ABHD2: variants seen among roughly 807,000 people sequenced by gnomAD.
ABHD2 encodes monoacylglycerol lipase ABHD2.
In ABHD2, 20 loss-of-function variants were observed where a neutral mutation model predicts 48.1. The observed-to-expected ratio is 0.42, with a 90% CI of 0.29 to 0.60. The LOEUF (loss-of-function observed/expected upper bound fraction) is 0.60. Among genes scored for constraint, ABHD2 ranks in the 20% least tolerant of loss-of-function variants. The probability of loss-of-function intolerance (pLI) is 0.24; values close to 1 mark genes in which losing one functional copy is unlikely to be tolerated. For missense variants in ABHD2, 405 were observed against 550.9 expected (o/e 0.74, Z 2.65); for synonymous variants, 209 against 214.2 (o/e 0.98, Z 0.21).
chr15:89,069,882 G>A, the ABHD2 span, among the ~76,000 whole-genome samples: 4 of 151,690 alleles, frequency 2.6e-5, no homozygotes. Flanking sequence ...GTTTCACCAT[G>A]TTGGCCAGGT....
rs1382197308 is a variant in ABHD2 at position 89,102,011 on chromosome 15, C to T, written c.-106-11714C>T. On this transcript the variant is annotated intron_variant, in intron 1 of 10. Transcript: ENST00000352732. The surrounding 1 kb of genome is among the most constrained non-coding windows in gnomAD (Gnocchi z 4.8). ...GCAGCACCTGTGTAGCGTCATTTTCCAGGCTGATGTCTGGAATTCCCCTTG... is the reference window on the plus strand; with the variant it reads ...GCAGCACCTGTGTAGCGTCATTTTCTAGGCTGATGTCTGGAATTCCCCTTG... Among the ~76,000 whole-genome samples the T allele has an allele frequency of 6.6e-6, 1 of 152,202 alleles. No individual in the cohort carries two copies. The highest frequency in any genetic ancestry group is 1.5e-5 in the Non-Finnish European group (1 of 68,036).
intron 6 of ABHD2, among the ~76,000 whole-genome samples, chr15:89,180,716 G>C (rs1224962350): frequency 6.6e-6 from 1 of 152,182 alleles, no homozygotes; most frequent in Non-Finnish European, 1.5e-5. Flanking sequence ...AGCCTGCCTA[G>C]GATCGTGCCC....
rs554143072 is a variant in ABHD2 at position 89,187,956 on chromosome 15, T to C, written c.816-237T>C. ...CTCCCCTGTGCTGAAGGTTTTTTAA[T>C]ATTCAACTAGGTTCAAACCCAATCT... On this transcript the variant is annotated intron_variant, in intron 7 of 10. Coordinates refer to ENST00000352732, the MANE Select transcript of ABHD2 (RefSeq NM_152924.5). Among the ~76,000 whole-genome samples, 4 of 152,344 alleles carry C rather than the reference T, an allele frequency of 2.6e-5. No homozygotes were observed. The East Asian group carries it at 5.8e-4, about 22-fold the overall frequency.
chr15:89,122,155 T>C (rs1474511339), intron 3 of ABHD2, among the ~76,000 whole-genome samples: 1 of 152,222 alleles, frequency 6.6e-6, no homozygotes, highest in Non-Finnish European at 1.5e-5. Flanking sequence ...TCTGAGATAC[T>C]ATTCTCTAAC....
Position 89,188,369 on chromosome 15 carries a change from G to C in ABHD2, c.926+66G>C. ...GTGCCAGGCAGGAGGCTGCAGGTCA[G>C]CTGTGCCCAGCACTAGTGTTTGCTC... On this transcript the variant is annotated intron_variant, in intron 8 of 10. Coordinates refer to ENST00000352732, the MANE Select transcript of ABHD2 (RefSeq NM_152924.5). This position sits in a 1 kb window ranked among gnomAD's most constrained non-coding sequence, Gnocchi z 4.1. The C allele has an allele frequency of 7.1e-7, 1 of 1,417,064 alleles. No homozygotes were observed. The allele number at this position is 1,417,064 out of a possible 1,614,324, so 87.8% of individuals were successfully genotyped here. A position where few individuals can be genotyped will look rare whatever the true frequency, so the allele number is the denominator to read the frequency against.
At chr15:89,068,725 C>G in the ABHD2 span, among the ~76,000 whole-genome samples, 5 of 138,082 alleles carry the variant, frequency 3.6e-5, no homozygotes, top group East Asian at 1.2e-3. Flanking sequence ...TTCCCAGGTT[C>G]AAGGCATGAG....
Position 89,175,167 on chromosome 15 carries a change from A to AT in ABHD2, c.539-642dup, listed in dbSNP as rs1319166308. On this transcript the variant is annotated intron_variant, in intron 5 of 10. Transcript: ENST00000352732. This position sits in a 1 kb window ranked among gnomAD's most constrained non-coding sequence, Gnocchi z 5.7. ...TCATACACATGGGTATAGCATCCCAATTTGTAGCCTAGGAAGCTAATCTCA... is the reference window on the plus strand; with the variant it reads ...TCATACACATGGGTATAGCATCCCAATTTTGTAGCCTAGGAAGCTAATCTCA... Among the ~76,000 whole-genome samples the AT allele has an allele frequency of 3.3e-5, 5 of 152,132 alleles. No homozygotes were observed. In the East Asian group the frequency reaches 9.6e-4, roughly 29 times the overall value.
intron 3 of ABHD2, among the ~76,000 whole-genome samples, chr15:89,124,918 G>A (rs527640853): frequency 5.9e-5 from 9 of 152,102 alleles, no homozygotes; most frequent in Non-Finnish European, 1.0e-4. Context: ...GTGAAACCCC[G>A]TCTCTACTAA....
chr15:89,100,309 A>G lies in ABHD2; in HGVS notation c.-107+11746A>G, dbSNP rs2150783558. On this transcript the variant is annotated intron_variant, in intron 1 of 10. Coordinates refer to ENST00000352732, the MANE Select transcript of ABHD2 (RefSeq NM_152924.5). This position sits in a 1 kb window ranked among gnomAD's most constrained non-coding sequence, Gnocchi z 4.4. Reference sequence around the variant, plus strand: ...ATTTTTTTTTTTTTTTTTAAGAGACAGGGTCTTACTCTGTCACCCAGGCTG... The same window carrying G: ...ATTTTTTTTTTTTTTTTTAAGAGACGGGGTCTTACTCTGTCACCCAGGCTG... Among the ~76,000 whole-genome samples, 1 of 149,972 alleles carries G rather than the reference A, an allele frequency of 6.7e-6. No individual in the cohort carries two copies. The highest frequency in any genetic ancestry group is 2.5e-5 in the African/African-American group (1 of 40,614).
rs1377409450 is a variant in ABHD2, at chr15:89,110,085, C to CT, written c.-106-3631dup. On this transcript the variant is annotated intron_variant, in intron 1 of 10. Coordinates refer to ENST00000352732, the MANE Select transcript of ABHD2 (RefSeq NM_152924.5). ...TTTATACTATCTTTTCTCTTATTTT[C>CT]TTTTTTTTTATTTTTTAAGACGGAC... Among the ~76,000 whole-genome samples the CT allele has an allele frequency of 2.4e-4, 37 of 151,194 alleles. No homozygotes were observed. The South Asian group carries it at 4.2e-3, about 17-fold the overall frequency.
intron 5 of ABHD2, among the ~76,000 whole-genome samples, chr15:89,161,994 G>C (rs2050769645): frequency 6.6e-6 from 1 of 152,154 alleles, no homozygotes; most frequent in Non-Finnish European, 1.5e-5. Flanking sequence ...ACAGTCACCT[G>C]TGTCTCTGGT....
intron 5 of ABHD2, among the ~76,000 whole-genome samples, chr15:89,160,715 C>T (rs924760182): frequency 6.6e-6 from 1 of 152,178 alleles, no homozygotes; most frequent in Non-Finnish European, 1.5e-5. Flanking sequence ...GAACCAGGCC[C>T]ATGGAGCAGC....
In ABHD2 at chr15:89,200,932, A is replaced by C. The variant is rs75928307; in HGVS notation, c.*5509A>C. ...CCCCTTCTCTACTAAAAATGCAAAA[A>C]TTAGCTGGGTGTGGTGGCGGGCGCC... On this transcript the variant is annotated 3_prime_UTR_variant, in exon 11 of 11. Transcript: ENST00000352732. 1.8e-5 allele frequency: 8 copies of C among 446,282 alleles called. No individual in the cohort carries two copies. The highest frequency in any genetic ancestry group is 4.0e-5 in the Admixed American group (1 of 25,296). 27.6% of individuals were successfully genotyped at this position (446,282 alleles called of 1,614,324 possible).
intron 3 of ABHD2, among the ~76,000 whole-genome samples, chr15:89,144,870 G>T (rs544378645): frequency 1.8e-4 from 28 of 152,310 alleles, no homozygotes; most frequent in African/African-American, 6.7e-4. Context: ...ACAAAGTGAT[G>T]AATTCAAAAT....
At position 89,088,722 on chromosome 15, in the gene ABHD2, AG is replaced by A. The variant is rs1004452313; in HGVS notation, c.-107+163del. On this transcript the variant is annotated intron_variant, in intron 1 of 10. Transcript: ENST00000352732. This position sits in a 1 kb window ranked among gnomAD's most constrained non-coding sequence, Gnocchi z 6.8. ...TGTCATCTGGCGCCGTGGGGGTCCC[AG>A]GGGCTGGCTTGCCCAGTGGTGGGGA... Among the ~76,000 whole-genome samples, 1 of 152,232 alleles carries A rather than the reference AG, an allele frequency of 6.6e-6. No homozygotes were observed. The highest frequency in any genetic ancestry group is 1.5e-5 in the Non-Finnish European group (1 of 68,036).
chr15:89,051,750 C>T, the ABHD2 span, among the ~76,000 whole-genome samples: 250 of 152,288 alleles, frequency 1.6e-3, 2 homozygotes, highest in Admixed American at 8.5e-4. Context: ...CTTGCTCTTC[C>T]GCCATGATTG....
intron 5 of ABHD2, among the ~76,000 whole-genome samples, chr15:89,159,231 G>T (rs1170838866): frequency 1.3e-5 from 2 of 151,944 alleles, no homozygotes. Flanking sequence ...ACAAAAATTA[G>T]CCAGGCATGG....
At position 89,176,082 on chromosome 15, in the gene ABHD2, A is replaced by G; in HGVS notation, c.722+87A>G. ...ACGCACAACACACTGTTCTGTGAAG[A>G]CCGGGGAACACTGTGGCCGACTGAG... On this transcript the variant is annotated intron_variant, in intron 6 of 10. Coordinates refer to ENST00000352732, the MANE Select transcript of ABHD2 (RefSeq NM_152924.5). The surrounding 1 kb of genome is among the most constrained non-coding windows in gnomAD (Gnocchi z 4.5). The G allele has an allele frequency of 1.5e-6, 2 of 1,358,450 alleles. No individual in the cohort carries two copies. The highest frequency in any genetic ancestry group is 2.0e-6 in the Non-Finnish European group (2 of 1,002,038). The allele number at this position is 1,358,450 out of a possible 1,614,324, so 84.1% of individuals were successfully genotyped here.
chr15:89,137,191 A>G lies in ABHD2; in HGVS notation c.195-14486A>G, dbSNP rs1395386230. Among the ~76,000 whole-genome samples the G allele has an allele frequency of 6.6e-6, 1 of 152,118 alleles. No homozygotes were observed. The highest frequency in any genetic ancestry group is 1.5e-5 in the Non-Finnish European group (1 of 68,012). On this transcript the variant is annotated intron_variant, in intron 3 of 10. Transcript: ENST00000352732. This position sits in a 1 kb window ranked among gnomAD's most constrained non-coding sequence, Gnocchi z 4.8. Reference sequence around the variant, plus strand: ...AATAAACTGCCTCCCTACTTAAAGCATGGTGTCAAAACCAGGTTGAAATGC... The same window carrying G: ...AATAAACTGCCTCCCTACTTAAAGCGTGGTGTCAAAACCAGGTTGAAATGC...
Sources: gnomAD v4.1 joint callset for allele counts (sites outside exome capture counted in the v4.1 genomes callset) on GRCh38, gnomAD v4.1.1 for gene constraint, Gnocchi (gnomAD v3.1) non-coding constraint, MANE v1.5 for transcripts, NCBI Gene and HGNC (gene_info 2026-07-23, HGNC 2026-07-21) for gene names.